The following CTNNA3 variants were observed in gnomAD, a reference collection of about 807,000 sequenced individuals.
CTNNA3 encodes catenin alpha-3.
A neutral mutation model predicts 95.7 loss-of-function variants in CTNNA3; 76 were observed. That is an observed-to-expected ratio of 0.79 (90% CI 0.66 to 0.96). CTNNA3 has a LOEUF of 0.96. Among genes scored for constraint, CTNNA3 ranks in the 40% least tolerant of loss-of-function variants. The pLI is 0.00. For missense variants in CTNNA3, 1,191 were observed against 1,089.8 expected (o/e 1.09, Z -1.31); for synonymous variants, 431 against 374.4 (o/e 1.15, Z -1.74).
intron 7 of CTNNA3, among the ~76,000 whole-genome samples, chr10:66,892,501 G>A (rs1845309042): frequency 6.6e-6 from 1 of 151,578 alleles, no homozygotes; most frequent in East Asian, 1.9e-4. Context: ...TGCATTTATA[G>A]TAAGTCTGGA....
intron 17 of CTNNA3, among the ~76,000 whole-genome samples, chr10:65,950,397 A>ATT (rs1267263784): frequency 1.4e-5 from 2 of 145,788 alleles, no homozygotes; most frequent in African/African-American, 2.5e-5. Flanking sequence ...CAGCTACTTG[A>ATT]TTTTTTTTTT....
chr10:67,165,649 T>C (rs1861736920), intron 7 of CTNNA3, among the ~76,000 whole-genome samples: 1 of 152,184 alleles, frequency 6.6e-6, no homozygotes, highest in African/African-American at 2.4e-5. Flanking sequence ...ATTTCAAAAT[T>C]AAAAGTTTTT....
At chr10:66,443,276 A>C (rs1378653695) in intron 11 of CTNNA3, among the ~76,000 whole-genome samples, 1 of 152,220 alleles carries the variant, frequency 6.6e-6, no homozygotes, top group Non-Finnish European at 1.5e-5. Context: ...CTGCAGACTT[A>C]AATGTCCCTG....
chr10:66,037,854 T>A (rs1185237930), intron 15 of CTNNA3, among the ~76,000 whole-genome samples: 1 of 152,206 alleles, frequency 6.6e-6, no homozygotes, highest in Middle Eastern at 3.4e-3. Context: ...AACATAGAGT[T>A]TTTTTTTCTT....
At chr10:66,804,529 C>T (rs1841563986) in intron 7 of CTNNA3, among the ~76,000 whole-genome samples, 1 of 152,010 alleles carries the variant, frequency 6.6e-6, no homozygotes. Flanking sequence ...CTTTATTTTG[C>T]CTTTTTTCTT....
rs527872764 is a variant in CTNNA3 at position 66,611,027 on chromosome 10, C to A, written c.1374+10665G>T. On this transcript the variant is annotated intron_variant, in intron 10 of 17. Transcript: ENST00000433211. ...GCAATACAGATTGAACTGGAGGTCA[C>A]TATGTTAAGTAAAATAAGCTAGGCA... is the stretch of plus-strand genomic sequence containing the variant. 3.9e-5 allele frequency among the ~76,000 whole-genome samples: 6 copies of A among 152,142 alleles called. No individual in the cohort carries two copies. The South Asian group carries it at 1.2e-3, about 32-fold the overall frequency.
intron 5 of CTNNA3, among the ~76,000 whole-genome samples, chr10:67,404,850 T>A (rs528726800): frequency 1.6e-4 from 24 of 152,280 alleles, no homozygotes; most frequent in Middle Eastern, 3.4e-3. Context: ...CCCATTGGAC[T>A]AACAGTGGAC....
At chr10:67,282,187 C>T (rs558823082) in intron 5 of CTNNA3, among the ~76,000 whole-genome samples, 34 of 152,250 alleles carry the variant, frequency 2.2e-4, no homozygotes, top group Admixed American at 4.6e-4. Flanking sequence ...CTATTCCTTA[C>T]GCAACTTGGT....
chr10:66,877,759 A>G (rs1375891799), intron 7 of CTNNA3, among the ~76,000 whole-genome samples: 1 of 152,172 alleles, frequency 6.6e-6, no homozygotes, highest in Non-Finnish European at 1.5e-5. Context: ...TTAGAAAAAT[A>G]GGAAACTCCA....
intron 13 of CTNNA3, among the ~76,000 whole-genome samples, chr10:66,249,544 A>G (rs1911471): frequency 0.12 from 18,904 of 152,188 alleles, 1,616 homozygotes; most frequent in Admixed American, 0.24. Flanking sequence ...AACATCATCA[A>G]TCATCAGAGA....
intron 1 of CTNNA3, among the ~76,000 whole-genome samples, chr10:67,728,933 G>T (rs565221864): frequency 6.6e-6 from 1 of 152,186 alleles, no homozygotes; most frequent in South Asian, 2.1e-4. Flanking sequence ...AAGCTGCCAA[G>T]AATTGGTTTT....
intron 12 of CTNNA3, among the ~76,000 whole-genome samples, chr10:66,360,555 C>A (rs528149851): frequency 6.1e-4 from 93 of 152,214 alleles, no homozygotes; most frequent in African/African-American, 2.1e-3. Flanking sequence ...CCAGGTGGGA[C>A]AGGGAAACAA....
intron 9 of CTNNA3, among the ~76,000 whole-genome samples, chr10:66,677,422 C>T (rs1846899711): frequency 6.6e-6 from 1 of 151,276 alleles, no homozygotes; most frequent in Non-Finnish European, 1.5e-5. Flanking sequence ...TAATCAGACT[C>T]AATAGATATA....
intron 5 of CTNNA3, among the ~76,000 whole-genome samples, chr10:67,509,023 C>A (rs1839518579): frequency 6.6e-6 from 1 of 151,850 alleles, no homozygotes; most frequent in African/African-American, 2.4e-5. Context: ...ATTATAGGCA[C>A]CTGCCACCAC....
chr10:67,287,431 G>A (rs1051142372), intron 5 of CTNNA3, among the ~76,000 whole-genome samples: 7 of 152,080 alleles, frequency 4.6e-5, no homozygotes, highest in Non-Finnish European at 8.8e-5. Flanking sequence ...CATCACTTTC[G>A]TGCAAATATT....
chr10:66,103,383 C>T, intron 13 of CTNNA3, 134 bp from the exon 14 acceptor site: 1 of 676,568 alleles, frequency 1.5e-6, no homozygotes, highest in Non-Finnish European at 2.7e-6. Context: ...CAGTTATATA[C>T]TCAAGAGAAA....
chr10:66,891,204 A>G (rs956960786), intron 7 of CTNNA3, among the ~76,000 whole-genome samples: 1 of 152,228 alleles, frequency 6.6e-6, no homozygotes, highest in African/African-American at 2.4e-5. Flanking sequence ...AGAGACCATT[A>G]TGTAGAAACA....
intron 12 of CTNNA3, among the ~76,000 whole-genome samples, chr10:66,355,438 C>G (rs543367539): frequency 6.6e-6 from 1 of 152,050 alleles, no homozygotes; most frequent in African/African-American, 2.4e-5. Flanking sequence ...ACATTATAAA[C>G]CCTCCACGAA....
chr10:67,472,978 G>C (rs1589327791), intron 5 of CTNNA3, among the ~76,000 whole-genome samples: 2 of 152,096 alleles, frequency 1.3e-5, no homozygotes, highest in South Asian at 4.1e-4. Context: ...CATGTTTACT[G>C]AATTATCACT....
Sources: gnomAD v4.1 joint callset for allele counts (sites outside exome capture counted in the v4.1 genomes callset) on GRCh38, gnomAD v4.1.1 for gene constraint, MANE v1.5 for transcripts, NCBI Gene and HGNC (gene_info 2026-07-23, HGNC 2026-07-21) for gene names.